The following XKR6 variants were observed in gnomAD, a reference collection of about 807,000 sequenced individuals.
The protein encoded by XKR6 is XK-related protein 6.
XKR6 carries 22 observed loss-of-function variants against 56.7 expected under a neutral mutation model. That is an observed-to-expected ratio of 0.39 (90% CI 0.28 to 0.55). XKR6 has a LOEUF of 0.55. Ranked by LOEUF, XKR6 falls within the 20% of genes least tolerant of loss-of-function variation. The probability of loss-of-function intolerance (pLI) is 0.66; values close to 1 mark genes in which losing one functional copy is unlikely to be tolerated. For synonymous variants in XKR6, 524 were observed against 387.8 expected (o/e 1.35, Z -4.13); for missense variants, 852 against 889.0 (o/e 0.96, Z 0.53).
intron 1 of XKR6, among the ~76,000 whole-genome samples, chr8:11,049,597 G>T (rs1390868007): frequency 1.2e-4 from 18 of 152,230 alleles, no homozygotes; most frequent in African/African-American, 3.9e-4. Context: ...AGGCCCTGGA[G>T]CAGGCTTGGC....
chr8:10,911,749 G>C (rs1800377087), intron 2 of XKR6, among the ~76,000 whole-genome samples: 1 of 148,644 alleles, frequency 6.7e-6, no homozygotes, highest in South Asian at 2.1e-4. Context: ...GAGAGGGCAA[G>C]TGTGTATATA....
chr8:11,041,909 C>G (rs1042232391), intron 1 of XKR6, among the ~76,000 whole-genome samples: 21 of 152,198 alleles, frequency 1.4e-4, no homozygotes, highest in African/African-American at 5.1e-4. Context: ...ACAACACACA[C>G]AAATGCAAAT....
chr8:11,045,075 C>CTTTTTT lies in XKR6; in HGVS notation c.765-120251_765-120246dup, dbSNP rs5889356. 2.5e-3 allele frequency among the ~76,000 whole-genome samples: 91 copies of CTTTTTT among 36,040 alleles called. 19 individuals are homozygous for CTTTTTT. Among genetic ancestry groups the CTTTTTT allele is most frequent in the African/African-American group, 3.7e-3 (37 of 9,904 alleles). The allele number at this position is 36,040 out of a possible 152,430, so 23.6% of individuals were successfully genotyped here. The stretch of plus-strand genomic sequence containing the variant: ...TTACCATTTCCACCCTCAAATCACT[C>CTTTTTT]TTTTTTTTTTTTTTTTTTTTTTTTT... On this transcript the variant is annotated intron_variant, in intron 1 of 2. Coordinates refer to ENST00000416569, the MANE Select transcript of XKR6 (RefSeq NM_173683.4).
intron 1 of XKR6, among the ~76,000 whole-genome samples, chr8:11,005,118 C>G (rs1165416687): frequency 6.6e-6 from 1 of 152,012 alleles, no homozygotes; most frequent in Non-Finnish European, 1.5e-5. Context: ...AAGTTTTTTT[C>G]TCATACAGTC....
chr8:11,178,944 A>G (rs954700441), intron 1 of XKR6, among the ~76,000 whole-genome samples: 1 of 151,570 alleles, frequency 6.6e-6, no homozygotes, highest in East Asian at 1.9e-4. Context: ...CCAAGCTCAA[A>G]TAATCTTCCC....
intron 1 of XKR6, among the ~76,000 whole-genome samples, chr8:11,110,159 G>C (rs986133192): frequency 6.6e-6 from 1 of 152,100 alleles, no homozygotes; most frequent in African/African-American, 2.4e-5. Context: ...TTTTAGTAGA[G>C]ATGGGGTTTT....
intron 1 of XKR6, among the ~76,000 whole-genome samples, chr8:11,024,252 T>TGTGTGA (rs1366545611): frequency 2.1e-5 from 3 of 143,750 alleles, no homozygotes; most frequent in Non-Finnish European, 4.6e-5. Context: ...TGTGTGTGTG[T>TGTGTGA]GATTCTCCAT....
At position 10,897,109 on chromosome 8, in the gene XKR6, T is replaced by C. The variant is rs1319012262; in HGVS notation, c.*843A>G. Reference sequence around the variant, plus strand: ...GGTTTGCTTTTCACTGGGAAACGAATGTGATTCTTGCTAGGCAAATGCTAA... The same window carrying C: ...GGTTTGCTTTTCACTGGGAAACGAACGTGATTCTTGCTAGGCAAATGCTAA... On this transcript the variant is annotated 3_prime_UTR_variant, in exon 3 of 3. Transcript: ENST00000416569. The C allele has an allele frequency of 6.6e-6, 1 of 152,626 alleles. No individual in the cohort carries two copies. Among genetic ancestry groups the C allele is most frequent in the African/African-American group, 2.4e-5 (1 of 41,428 alleles). 9.5% of individuals were successfully genotyped at this position (152,626 alleles called of 1,614,324 possible). A position where few individuals can be genotyped will look rare whatever the true frequency, so the allele number is the denominator to read the frequency against.
intron 1 of XKR6, among the ~76,000 whole-genome samples, chr8:11,141,750 C>A (rs985804053): frequency 1.3e-5 from 2 of 152,106 alleles, no homozygotes; most frequent in Non-Finnish European, 2.9e-5. Context: ...TAGCCCTTGA[C>A]TGGTGACCCT....
At chr8:10,987,886 T>C (rs908439521) in intron 1 of XKR6, among the ~76,000 whole-genome samples, 2 of 152,184 alleles carry the variant, frequency 1.3e-5, no homozygotes, top group African/African-American at 4.8e-5. Flanking sequence ...TGGGCTACTG[T>C]CTCACAGCAC....
chr8:10,897,855 T>C lies in XKR6; in HGVS notation c.*97A>G. The C allele has an allele frequency of 1.4e-6, 2 of 1,458,270 alleles. No homozygotes were observed. Among genetic ancestry groups the C allele is most frequent in the Non-Finnish European group, 1.8e-6 (2 of 1,103,974 alleles). 90.3% of individuals were successfully genotyped at this position (1,458,270 alleles called of 1,614,324 possible). On this transcript the variant is annotated 3_prime_UTR_variant, in exon 3 of 3. Transcript: ENST00000416569. Reference sequence around the variant, plus strand: ...GCGGTGTTGGTGGTGGTGGCGGTGGTTCTGTGTATTGGGGGAAGGGAGGGT... The same window carrying C: ...GCGGTGTTGGTGGTGGTGGCGGTGGCTCTGTGTATTGGGGGAAGGGAGGGT...
chr8:11,163,521 G>A (rs1223402238), intron 1 of XKR6, among the ~76,000 whole-genome samples: 1 of 152,186 alleles, frequency 6.6e-6, no homozygotes, highest in East Asian at 1.9e-4. Context: ...TGCATCCGCT[G>A]GAGATAGGTA....
At chr8:11,086,542 T>G (rs1248044128) in intron 1 of XKR6, among the ~76,000 whole-genome samples, 1 of 152,182 alleles carries the variant, frequency 6.6e-6, no homozygotes, top group African/African-American at 2.4e-5. Context: ...CCAGCCCACA[T>G]GAAGGCAACC....
chr8:11,103,591 T>C (rs1374070890), intron 1 of XKR6, among the ~76,000 whole-genome samples: 1 of 152,190 alleles, frequency 6.6e-6, no homozygotes, highest in African/African-American at 2.4e-5. Context: ...AATGGGGCTG[T>C]AAAGGGTCAC....
At chr8:11,019,730 C>G (rs1459188634) in intron 1 of XKR6, among the ~76,000 whole-genome samples, 1 of 152,220 alleles carries the variant, frequency 6.6e-6, no homozygotes, top group African/African-American at 2.4e-5. Flanking sequence ...AGACACAGCC[C>G]TCAGAGGCAG....
At chr8:11,123,237 A>G (rs1247622017) in intron 1 of XKR6, 1 of 136,466 alleles carries the variant, frequency 7.3e-6, no homozygotes, top group African/African-American at 3.6e-5. Flanking sequence ...TCTGTGTAGA[A>G]GGAAAAAAAA....
Position 10,898,179 on chromosome 8 carries a change from G to C in XKR6, c.1699C>G (p.Pro567Ala). 1 of 1,614,112 alleles carries C rather than the reference G, an allele frequency of 6.2e-7. No homozygotes were observed. The highest frequency in any genetic ancestry group is 8.5e-7 in the Non-Finnish European group (1 of 1,179,996). Reference sequence around the variant, plus strand: ...CCCAACGGGGTAGGGGGCCCCATGGGTCTCACTTGGAAAACAGGCAAGCAA... The same window carrying C: ...CCCAACGGGGTAGGGGGCCCCATGGCTCTCACTTGGAAAACAGGCAAGCAA... Reference protein sequence around the residue: ...DTCLPVFQVRPMGPPTPLGRP... With the variant: ...DTCLPVFQVRAMGPPTPLGRP... Residue 567 changes from proline (P) to alanine (A), a missense_variant, in exon 3 of 3, where the codon CCC becomes GCC. Pro to Ala is a conservative substitution (Grantham distance 27). Coordinates refer to ENST00000416569, the MANE Select transcript of XKR6 (RefSeq NM_173683.4). The surrounding 1 kb of genome is among the most constrained non-coding windows in gnomAD (Gnocchi z 6.6).
chr8:11,145,989 G>C (rs1800963441), intron 1 of XKR6, among the ~76,000 whole-genome samples: 1 of 152,018 alleles, frequency 6.6e-6, no homozygotes, highest in South Asian at 2.1e-4. Flanking sequence ...TGGGCATCGA[G>C]ATACACAAAA....
At chr8:11,134,066 A>G (rs1457635615) in intron 1 of XKR6, among the ~76,000 whole-genome samples, 1 of 152,140 alleles carries the variant, frequency 6.6e-6, no homozygotes, top group Non-Finnish European at 1.5e-5. Context: ...CTGCTGTTCT[A>G]TATAAATGGC....
Sources: allele counts gnomAD v4.1 joint callset (sites outside exome capture counted in the v4.1 genomes callset), GRCh38; gene constraint gnomAD v4.1.1; non-coding constraint Gnocchi (gnomAD v3.1); transcripts MANE v1.5; gene names NCBI Gene and HGNC (gene_info 2026-07-23, HGNC 2026-07-21).